The following FHIT variants were observed in gnomAD, a reference collection of about 807,000 sequenced individuals.
The protein encoded by FHIT is bis(5'-adenosyl)-triphosphatase.
A neutral mutation model predicts 17.9 loss-of-function variants in FHIT; 19 were observed. The observed-to-expected ratio is 1.06, with a 90% CI of 0.74 to 1.56. FHIT has a LOEUF of 1.56. Among genes scored for constraint, FHIT ranks in the 40% most tolerant of loss-of-function variants. The pLI, the probability that FHIT is intolerant of heterozygous loss-of-function variation, is 0.00. For missense variants in FHIT, 248 were observed against 189.2 expected (o/e 1.31, Z -1.82); for synonymous variants, 81 against 69.7 (o/e 1.16, Z -0.81).
chr3:60,828,887 C>G (rs1298097574), intron 3 of FHIT, among the ~76,000 whole-genome samples: 5 of 151,918 alleles, frequency 3.3e-5, no homozygotes, highest in African/African-American at 1.2e-4. Context: ...TCAAAACAAA[C>G]AAATAAACAA....
chr3:59,757,735 T>C lies in FHIT; in HGVS notation c.349-5414A>G, dbSNP rs576564481. On this transcript the variant is annotated intron_variant, in intron 8 of 9. Transcript: ENST00000492590. ...AAAACATATTTCATTATTATCACTT[T>C]TATAAAACAACATACAGAAGCAGAG... Among the ~76,000 whole-genome samples the C allele has an allele frequency of 9.8e-5, 15 of 152,294 alleles. No homozygotes were observed. In the East Asian group the frequency reaches 2.9e-3, roughly 29 times the overall value.
At chr3:59,980,568 G>A (rs1422821736) in intron 7 of FHIT, among the ~76,000 whole-genome samples, 2 of 152,168 alleles carry the variant, frequency 1.3e-5, no homozygotes, top group Non-Finnish European at 2.9e-5. Flanking sequence ...TGGAGCTCCT[G>A]GATCACAAAG....
chr3:60,431,607 G>A (rs1486669595), intron 5 of FHIT, among the ~76,000 whole-genome samples: 2 of 152,162 alleles, frequency 1.3e-5, no homozygotes, highest in African/African-American at 2.4e-5. Context: ...GGTGAAGGAC[G>A]AAGGCTCAAG....
chr3:60,293,540 G>C (rs1015409338), intron 5 of FHIT, among the ~76,000 whole-genome samples: 1 of 152,148 alleles, frequency 6.6e-6, no homozygotes. Flanking sequence ...GTCAGGTACA[G>C]ATCTGAAGGT....
chr3:60,179,136 A>G (rs533220779), intron 5 of FHIT, among the ~76,000 whole-genome samples: 2 of 152,284 alleles, frequency 1.3e-5, no homozygotes, highest in Non-Finnish European at 2.9e-5. Context: ...ATTTATTGCT[A>G]CCTACCACGT....
At chr3:59,806,026 A>G (rs1400748344) in intron 8 of FHIT, among the ~76,000 whole-genome samples, 1 of 152,056 alleles carries the variant, frequency 6.6e-6, no homozygotes, top group Admixed American at 6.6e-5. Flanking sequence ...CTAAAAATAC[A>G]AAAATTTAGC....
chr3:60,367,454 G>C (rs1700155784), intron 5 of FHIT, among the ~76,000 whole-genome samples: 1 of 152,126 alleles, frequency 6.6e-6, no homozygotes, highest in South Asian at 2.1e-4. Context: ...CCTTTCTAAA[G>C]ATGTTGGAAA....
At chr3:60,908,927 G>A (rs1706576326) in intron 3 of FHIT, among the ~76,000 whole-genome samples, 3 of 152,112 alleles carry the variant, frequency 2.0e-5, no homozygotes, top group African/African-American at 7.2e-5. Context: ...CAGGACCCCT[G>A]CCCTCAAAGA....
chr3:61,105,209 T>G lies in FHIT; in HGVS notation c.-163-63110A>C, dbSNP rs2035954873. On this transcript the variant is annotated intron_variant, in intron 2 of 9. Coordinates refer to ENST00000492590, the MANE Select transcript of FHIT (RefSeq NM_002012.4). ...TCATCTTTGTGGGCTTATCTACCTTTAATCTTTGAGGTTGCTGACCTTTGG... is the reference window on the plus strand; with the variant it reads ...TCATCTTTGTGGGCTTATCTACCTTGAATCTTTGAGGTTGCTGACCTTTGG... Among the ~76,000 whole-genome samples, 8 of 151,918 alleles carry G rather than the reference T, an allele frequency of 5.3e-5. No homozygotes were observed. The South Asian group carries it at 1.5e-3, about 28-fold the overall frequency.
intron 4 of FHIT, among the ~76,000 whole-genome samples, chr3:60,658,863 T>C (rs1553690333): frequency 1.3e-5 from 2 of 152,092 alleles, no homozygotes; most frequent in Non-Finnish European, 2.9e-5. Context: ...ATTTCTTAAC[T>C]AAGATTCAAG....
intron 5 of FHIT, among the ~76,000 whole-genome samples, chr3:60,076,844 A>G (rs1338553256): frequency 6.7e-6 from 1 of 149,516 alleles, no homozygotes; most frequent in African/African-American, 2.5e-5. Flanking sequence ...TAAGGCAAGC[A>G]CAAAAAATAA....
chr3:60,895,910 T>A (rs1193757164), intron 3 of FHIT, among the ~76,000 whole-genome samples: 1 of 151,768 alleles, frequency 6.6e-6, no homozygotes, highest in African/African-American at 2.4e-5. Context: ...CAATTAGTCA[T>A]TGCTCTAAGC....
At chr3:60,816,722 GT>G (rs1701751953) in intron 4 of FHIT, among the ~76,000 whole-genome samples, 2 of 151,668 alleles carry the variant, frequency 1.3e-5, no homozygotes, top group African/African-American at 4.8e-5. Flanking sequence ...TGTTTGTCAG[GT>G]TTGCTATCAG....
intron 8 of FHIT, among the ~76,000 whole-genome samples, chr3:59,879,721 A>C (rs1416591320): frequency 6.6e-6 from 1 of 152,202 alleles, no homozygotes; most frequent in African/African-American, 2.4e-5. Flanking sequence ...GGACACTGGC[A>C]ATGATGGGAT....
intron 5 of FHIT, among the ~76,000 whole-genome samples, chr3:60,047,060 C>A (rs975713570): frequency 5.3e-5 from 8 of 152,212 alleles, no homozygotes; most frequent in African/African-American, 1.9e-4. Flanking sequence ...GAAGAGATTG[C>A]ATTCACACAG....
intron 5 of FHIT, among the ~76,000 whole-genome samples, chr3:60,026,211 T>G (rs2736797): frequency 6.6e-6 from 1 of 152,172 alleles, no homozygotes. Flanking sequence ...TCTTCCTAAA[T>G]TGGAGTTAAT....
At chr3:61,048,749 G>C (rs1207599913) in intron 2 of FHIT, among the ~76,000 whole-genome samples, 1 of 152,078 alleles carries the variant, frequency 6.6e-6, no homozygotes, top group Non-Finnish European at 1.5e-5. Flanking sequence ...CAATAGACTG[G>C]ATTAAGAAAA....
intron 1 of FHIT, among the ~76,000 whole-genome samples, chr3:61,207,616 C>T (rs1048239241): frequency 5.9e-5 from 9 of 152,048 alleles, no homozygotes; most frequent in Non-Finnish European, 1.0e-4. Context: ...TAGAGGTGTT[C>T]CTAGTATTCT....
At chr3:59,758,450 A>C (rs1701330801) in intron 8 of FHIT, among the ~76,000 whole-genome samples, 1 of 152,198 alleles carries the variant, frequency 6.6e-6, no homozygotes, top group African/African-American at 2.4e-5. Flanking sequence ...AGGGGTCTAA[A>C]AGATGGTCTC....
Sources: allele counts gnomAD v4.1 joint callset (sites outside exome capture counted in the v4.1 genomes callset), GRCh38; gene constraint gnomAD v4.1.1; transcripts MANE v1.5; gene names NCBI Gene and HGNC (gene_info 2026-07-23, HGNC 2026-07-21).